TRPC5: variants seen among roughly 807,000 people sequenced by gnomAD.
TRPC5 encodes the protein transient receptor potential cation channel subfamily C member 5, also known as short transient receptor potential channel 5.
TRPC5 carries 9 observed loss-of-function variants against 56.5 expected under a neutral mutation model. That is an observed-to-expected ratio of 0.16 (90% CI 0.10 to 0.28). The LOEUF (loss-of-function observed/expected upper bound fraction) is 0.28, where lower values mean the gene tolerates loss of function less well. Among genes scored for constraint, TRPC5 ranks in the 10% least tolerant of loss-of-function variants. The pLI, the probability that TRPC5 is intolerant of heterozygous loss-of-function variation, is 1.00. For missense variants in TRPC5, 469 were observed against 748.9 expected (o/e 0.63, Z 4.36); for synonymous variants, 282 against 278.5 (o/e 1.01, Z -0.13).
chrX:111,858,820 T>A (rs1272612583), intron 3 of TRPC5, among the ~76,000 whole-genome samples: 3 of 111,988 alleles, frequency 2.7e-5, no homozygotes, highest in African/African-American at 9.7e-5. Flanking sequence ...TGTGTTTTAC[T>A]GTCTGCTCTT....
At chrX:112,080,539 C>T (rs1275897394) in intron 1 of TRPC5, among the ~76,000 whole-genome samples, 1 of 111,177 alleles carries the variant, frequency 9.0e-6, no homozygotes, top group South Asian at 3.8e-4. Flanking sequence ...ATTCTTCCTT[C>T]GACCTCACAG....
rs536672604 is a variant in TRPC5, at chrX:111,849,589, G to T, written c.1378-2153C>A. On this transcript the variant is annotated intron_variant, in intron 5 of 10. Transcript: ENST00000262839. ...AAACTGTGTTCCTTAGAGCCTGGGG[G>T]TTCAATGGAGGCATCTCATAGCTAC... 6.2e-5 allele frequency among the ~76,000 whole-genome samples: 7 copies of T among 112,317 alleles called. No individual in the cohort carries two copies. The South Asian group carries it at 1.1e-3, about 18-fold the overall frequency.
At chrX:111,967,827 A>T (rs866199008) in intron 1 of TRPC5, among the ~76,000 whole-genome samples, 1 of 112,237 alleles carries the variant, frequency 8.9e-6, no homozygotes. Context: ...TTAATTCAGG[A>T]TGTATTAAAG....
At chrX:111,969,015 T>A (rs1383440512) in intron 1 of TRPC5, among the ~76,000 whole-genome samples, 1 of 85,001 alleles carries the variant, frequency 1.2e-5, no homozygotes, top group Non-Finnish European at 2.3e-5. Flanking sequence ...TAAAATAAAA[T>A]AAAATAAAAA....
intron 3 of TRPC5, among the ~76,000 whole-genome samples, chrX:111,863,844 CT>C (rs1923470578): frequency 1.8e-5 from 2 of 111,655 alleles, no homozygotes; most frequent in Non-Finnish European, 3.8e-5. Flanking sequence ...TTGAAAAATG[CT>C]TCTTCTGTGT....
chrX:112,021,753 A>G (rs940542502), intron 1 of TRPC5, among the ~76,000 whole-genome samples: 6 of 112,309 alleles, frequency 5.3e-5, no homozygotes, highest in Middle Eastern at 9.1e-3. Context: ...TTATGTCGGC[A>G]TGCATGTTTT....
intron 7 of TRPC5, among the ~76,000 whole-genome samples, chrX:111,834,307 CT>C (rs1922500929): frequency 1.8e-5 from 2 of 111,845 alleles, no homozygotes; most frequent in Non-Finnish European, 1.9e-5. Context: ...AAAATAGCCA[CT>C]GGCTGGGTGC....
At position 111,772,225 on chromosome X, in the gene TRPC5, T is replaced by A. The variant is rs1945847352; in HGVS notation, c.*4088A>T. On this transcript the variant is annotated 3_prime_UTR_variant, in exon 11 of 11. Transcript: ENST00000262839. ...CCAACAAGGTGGATATTTGGAGCAA[T>A]TATCTAGATAAAGTAAGCCAAAGAA... Among the ~76,000 whole-genome samples, 1 of 111,781 alleles carries A rather than the reference T, an allele frequency of 8.9e-6. No individual in the cohort carries two copies. Among genetic ancestry groups the A allele is most frequent in the Admixed American group, 9.5e-5 (1 of 10,490 alleles).
chrX:111,783,372 A>G lies in TRPC5; in HGVS notation c.1897-1234T>C, dbSNP rs780191524. ...AGGGTGTGTTTATAATAAAATGCCAAACTGTTTCCAGAGTGGCTATACTGT... is the reference window on the plus strand; with the variant it reads ...AGGGTGTGTTTATAATAAAATGCCAGACTGTTTCCAGAGTGGCTATACTGT... On this transcript the variant is annotated intron_variant, in intron 7 of 10. Transcript: ENST00000262839. Among the ~76,000 whole-genome samples the G allele has an allele frequency of 1.4e-4, 16 of 111,667 alleles. No homozygotes were observed. In the South Asian group the frequency reaches 4.5e-3, roughly 31 times the overall value.
chrX:111,784,136 C>T (rs924723883), intron 7 of TRPC5, among the ~76,000 whole-genome samples: 12 of 111,295 alleles, frequency 1.1e-4, no homozygotes, highest in African/African-American at 3.6e-4. Context: ...CTTTATACCA[C>T]GTACAAAACT....
At chrX:111,976,362 G>A (rs1927929651) in intron 1 of TRPC5, among the ~76,000 whole-genome samples, 1 of 111,281 alleles carries the variant, frequency 9.0e-6, no homozygotes, top group Non-Finnish European at 1.9e-5. Flanking sequence ...GATCGAGGCT[G>A]CAGTGAGCCA....
chrX:111,777,022 ATAT>A lies in TRPC5; in HGVS notation c.2233-23_2233-21del, dbSNP rs1189155679. The A allele has an allele frequency of 3.7e-6, 4 of 1,091,952 alleles. No individual in the cohort carries two copies. Among genetic ancestry groups the A allele is most frequent in the Admixed American group, 3.1e-5 (1 of 32,760 alleles). 90.0% of individuals were successfully genotyped at this position (1,091,952 alleles called of 1,213,427 possible). ...TAATTCCTGGGAAAAGAGAGGAGACATATTATGTCAAGAAGCTTGGTCTTTATT... is the reference window on the plus strand; with the variant it reads ...TAATTCCTGGGAAAAGAGAGGAGACATATGTCAAGAAGCTTGGTCTTTATT... On this transcript the variant is annotated intron_variant, in intron 10 of 10. Transcript: ENST00000262839.
chrX:111,911,154 A>G (rs745568558), intron 3 of TRPC5, among the ~76,000 whole-genome samples: 5 of 97,332 alleles, frequency 5.1e-5, no homozygotes, highest in African/African-American at 1.9e-4. Flanking sequence ...AGAAAAAGGG[A>G]CCAGATAAAC....
At chrX:111,974,287 T>C (rs1009894554) in intron 1 of TRPC5, among the ~76,000 whole-genome samples, 1 of 111,248 alleles carries the variant, frequency 9.0e-6, no homozygotes, top group African/African-American at 3.3e-5. Context: ...AAGCAGAGCC[T>C]GGTGGACTTC....
chrX:111,843,876 G>C, intron 6 of TRPC5, among the ~76,000 whole-genome samples: 1 of 59,565 alleles, frequency 1.7e-5, no homozygotes, highest in African/African-American at 1.2e-4. Flanking sequence ...TGGGATGAGT[G>C]TGTGTGTGTG....
intron 1 of TRPC5, among the ~76,000 whole-genome samples, chrX:111,959,154 G>T (rs1927310284): frequency 8.9e-6 from 1 of 112,120 alleles, no homozygotes; most frequent in African/African-American, 3.2e-5. Flanking sequence ...CAGTATTATT[G>T]TACTTTTGGT....
chrX:111,836,923 C>G (rs899679046), intron 6 of TRPC5, among the ~76,000 whole-genome samples: 3 of 112,611 alleles, frequency 2.7e-5, no homozygotes, highest in Non-Finnish European at 5.6e-5. Flanking sequence ...CTCCACTGGC[C>G]TGACTCTCAA....
At chrX:111,961,648 G>A (rs1927383843) in intron 1 of TRPC5, among the ~76,000 whole-genome samples, 1 of 112,200 alleles carries the variant, frequency 8.9e-6, no homozygotes, top group Non-Finnish European at 1.9e-5. Context: ...AAATGAAGCT[G>A]AGAGAGATAT....
chrX:111,794,052 G>A (rs1252880083), intron 7 of TRPC5, among the ~76,000 whole-genome samples: 1 of 111,588 alleles, frequency 9.0e-6, no homozygotes, highest in Non-Finnish European at 1.9e-5. Context: ...GGGCTAGCAG[G>A]AGAAGGGAAT....
Sources: gnomAD v4.1 joint callset for allele counts (sites outside exome capture counted in the v4.1 genomes callset) on GRCh38, gnomAD v4.1.1 for gene constraint, MANE v1.5 for transcripts, NCBI Gene and HGNC (gene_info 2026-07-23, HGNC 2026-07-21) for gene names.